The following ADGRL2 variants were observed in gnomAD, a reference collection of about 807,000 sequenced individuals.
The protein encoded by ADGRL2 is calcium-independent alpha-latrotoxin receptor 2.
In ADGRL2, 44 loss-of-function variants were observed where a neutral mutation model predicts 157.4. The observed-to-expected ratio is 0.28, with a 90% CI of 0.22 to 0.36. ADGRL2 has a LOEUF of 0.36. Among genes scored for constraint, ADGRL2 ranks in the 10% least tolerant of loss-of-function variants. The pLI, the probability that ADGRL2 is intolerant of heterozygous loss-of-function variation, is 1.00. For synonymous variants in ADGRL2, 585 were observed against 624.7 expected (o/e 0.94, Z 0.95); for missense variants, 1,510 against 1,768.9 (o/e 0.85, Z 2.63).
chr1:81,989,617 C>G, intron 23 of ADGRL2: 1 of 1,582,334 alleles, frequency 6.3e-7, no homozygotes, highest in East Asian at 2.2e-5. Context: ...AATTCTTCAT[C>G]ATGTTACAAT....
At chr1:81,654,792 A>G (rs1273716850) in intron 3 of ADGRL2, among the ~76,000 whole-genome samples, 1 of 152,190 alleles carries the variant, frequency 6.6e-6, no homozygotes, top group Non-Finnish European at 1.5e-5. Flanking sequence ...GAATTTCATT[A>G]TAATGGATTT....
At chr1:81,631,087 T>C (rs1400288181) in intron 3 of ADGRL2, among the ~76,000 whole-genome samples, 1 of 152,104 alleles carries the variant, frequency 6.6e-6, no homozygotes, top group African/African-American at 2.4e-5. Context: ...CAAGAGTGCA[T>C]CAAAAATTTC....
intron 3 of ADGRL2, among the ~76,000 whole-genome samples, chr1:81,664,060 A>C (rs921742567): frequency 3.9e-5 from 6 of 152,070 alleles, no homozygotes; most frequent in African/African-American, 1.2e-4. Flanking sequence ...CTCAGCTGTC[A>C]ATTGCTTTTT....
Position 81,661,165 on chromosome 1 carries a change from GT to G in ADGRL2, c.-143+80188del, listed in dbSNP as rs1363788592. On this transcript the variant is annotated intron_variant, in intron 3 of 24. Transcript: ENST00000370721. ...ATGTTCAAATTTAAATATCTTAGGT[GT>G]TTAAAGTATTTCCATAAGCATTTTT... Among the ~76,000 whole-genome samples the G allele has an allele frequency of 9.3e-5, 14 of 149,734 alleles. 1 individual carries two copies. The Admixed American group carries it at 9.5e-4, about 10-fold the overall frequency.
At chr1:81,715,695 C>G (rs939748891) in intron 1 of ADGRL2, among the ~76,000 whole-genome samples, 1 of 152,168 alleles carries the variant, frequency 6.6e-6, no homozygotes, top group Non-Finnish European at 1.5e-5. Context: ...TATAGCTCTG[C>G]ATACATGTCA....
At chr1:81,553,737 A>G (rs896569747) in intron 2 of ADGRL2, among the ~76,000 whole-genome samples, 5 of 152,212 alleles carry the variant, frequency 3.3e-5, no homozygotes, top group African/African-American at 1.2e-4. Context: ...TCAGTCTTTC[A>G]AAGTTATGCA....
intron 2 of ADGRL2, among the ~76,000 whole-genome samples, chr1:81,564,167 G>A (rs139075935): frequency 8.5e-5 from 13 of 152,304 alleles, no homozygotes; most frequent in South Asian, 2.1e-4. Context: ...TGGGAAGTGC[G>A]TTGTGTACAT....
At chr1:81,542,583 C>G (rs553468450) in intron 2 of ADGRL2, among the ~76,000 whole-genome samples, 1 of 152,226 alleles carries the variant, frequency 6.6e-6, no homozygotes, top group Admixed American at 6.5e-5. Flanking sequence ...CATTTAGGCT[C>G]TAATTTGCAA....
intron 2 of ADGRL2, among the ~76,000 whole-genome samples, chr1:81,459,776 G>A (rs2077884186): frequency 1.3e-5 from 1 of 78,412 alleles, no homozygotes; most frequent in African/African-American, 3.7e-5. Context: ...CTTAGTGTGT[G>A]TATGTGTGTG....
chr1:81,489,236 CA>C lies in ADGRL2; in HGVS notation c.-248+44157del, dbSNP rs35819907. On this transcript the variant is annotated intron_variant, in intron 2 of 24. Transcript: ENST00000370721. ...TGGGTGACAGAGGGAGACTCTGTCT[CA>C]AAAAAAAAATTAATAATAAAATAAA... 3.1e-3 allele frequency among the ~76,000 whole-genome samples: 445 copies of C among 143,988 alleles called. 8 individuals are homozygous for C. Among genetic ancestry groups the C allele is most frequent in the African/African-American group, 9.4e-3 (372 of 39,628 alleles). The allele number at this position is 143,988 out of a possible 152,430, so 94.5% of individuals were successfully genotyped here. A position where few individuals can be genotyped will look rare whatever the true frequency, so the allele number is the denominator to read the frequency against.
intron 2 of ADGRL2, among the ~76,000 whole-genome samples, chr1:81,777,340 T>C (rs1355082560): frequency 6.6e-6 from 1 of 152,244 alleles, no homozygotes; most frequent in Non-Finnish European, 1.5e-5. Context: ...TTCCTCATTT[T>C]TTCCCCCAGG....
At chr1:81,552,791 A>C (rs1331966491) in intron 2 of ADGRL2, among the ~76,000 whole-genome samples, 1 of 152,158 alleles carries the variant, frequency 6.6e-6, no homozygotes, top group Non-Finnish European at 1.5e-5. Flanking sequence ...GTTTTCTTAT[A>C]ATGTACTACA....
At chr1:81,335,834 TAAAAAAA>T (rs11351612) in intron 1 of ADGRL2, among the ~76,000 whole-genome samples, 2 of 143,236 alleles carry the variant, frequency 1.4e-5, no homozygotes, top group South Asian at 2.2e-4. Flanking sequence ...ATATAGTGTT[TAAAAAAA>T]AAAAAAACAA....
intron 1 of ADGRL2, among the ~76,000 whole-genome samples, chr1:81,719,359 C>A (rs1260915939): frequency 1.3e-5 from 2 of 152,204 alleles, no homozygotes; most frequent in Non-Finnish European, 2.9e-5. Context: ...TTCCTACAGA[C>A]TCCTTAAGAC....
chr1:81,393,282 G>A (rs535730978), intron 1 of ADGRL2, among the ~76,000 whole-genome samples: 2 of 151,584 alleles, frequency 1.3e-5, no homozygotes, highest in South Asian at 4.2e-4. Context: ...TCACTTTGGG[G>A]AAGGGATGAG....
intron 4 of ADGRL2, 139 bp from the exon 5 acceptor site, chr1:81,941,895 A>G (rs1397033230): frequency 4.2e-6 from 2 of 479,642 alleles, no homozygotes; most frequent in Non-Finnish European, 7.4e-6. Flanking sequence ...TCTTTATCCA[A>G]AGTAGTACAG....
intron 1 of ADGRL2, among the ~76,000 whole-genome samples, chr1:81,367,136 A>G (rs2076080173): frequency 6.6e-6 from 1 of 152,148 alleles, no homozygotes. Flanking sequence ...CTTCTTGTAT[A>G]TCTTGGTCAG....
chr1:81,423,066 G>T (rs1282774046), intron 1 of ADGRL2, among the ~76,000 whole-genome samples: 3 of 152,074 alleles, frequency 2.0e-5, no homozygotes, highest in Admixed American at 2.0e-4. Flanking sequence ...TATATTAACA[G>T]AAAACATATA....
intron 3 of ADGRL2, among the ~76,000 whole-genome samples, chr1:81,674,187 C>G (rs961198067): frequency 6.6e-6 from 1 of 151,428 alleles, no homozygotes; most frequent in African/African-American, 2.4e-5. Context: ...CCTTTTTTGC[C>G]TTGAAACATA....
Sources: gnomAD v4.1 joint callset for allele counts (sites outside exome capture counted in the v4.1 genomes callset) on GRCh38, gnomAD v4.1.1 for gene constraint, MANE v1.5 for transcripts, NCBI Gene and HGNC (gene_info 2026-07-23, HGNC 2026-07-21) for gene names.